PEBP1: variants seen among roughly 807,000 people sequenced by gnomAD.
The protein encoded by PEBP1 is phosphatidylethanolamine-binding protein 1.
Under a neutral mutation model 22.7 loss-of-function variants are expected in PEBP1, and 17 were observed. The observed-to-expected ratio is 0.75, with a 90% CI of 0.51 to 1.12. The LOEUF (loss-of-function observed/expected upper bound fraction) is 1.12, where lower values mean the gene tolerates loss of function less well. Ranked by LOEUF, PEBP1 falls within the 50% of genes most tolerant of loss-of-function variation. PEBP1 has a pLI of 0.00. For synonymous variants in PEBP1, 106 were observed against 104.3 expected (o/e 1.02, Z -0.10); for missense variants, 205 against 243.5 (o/e 0.84, Z 1.05).
rs2034142318 is a variant in PEBP1 at position 118,144,734 on chromosome 12, T to A, written c.495T>A (p.Ala165=). Residue 165 remains alanine (A), a synonymous_variant, in exon 4 of 4, where the codon GCT becomes GCA. Coordinates refer to ENST00000261313, the MANE Select transcript of PEBP1 (RefSeq NM_002567.4). ...AGTATGAGCTCAGGGCCCCGGTGGC[T>A]GGCACGTGTTACCAGGCCGAGTGGG... ...RKKYELRAPV[A]GTCYQAEWDD... is the part of the protein sequence containing the mutation. The A allele has an allele frequency of 6.2e-7, 1 of 1,614,044 alleles. No individual in the cohort carries two copies.
At chr12:118,137,835 C>T (rs2034079549) in intron 1 of PEBP1, among the ~76,000 whole-genome samples, 1 of 152,148 alleles carries the variant, frequency 6.6e-6, no homozygotes, top group African/African-American at 2.4e-5. Flanking sequence ...TTACAGATTC[C>T]CGCCACCATG....
In PEBP1 at chr12:118,144,653, C is replaced by T. The variant is rs201985285; in HGVS notation, c.414C>T (p.Leu138=). The T allele has an allele frequency of 1.0e-4, 164 of 1,614,116 alleles. 1 individual carries two copies. In the East Asian group the frequency reaches 3.2e-3, roughly 32 times the overall value. The change falls in exon 4 of 4, where the codon CTC becomes CTT. Residue 138 remains leucine (L), a synonymous_variant. Coordinates refer to ENST00000261313, the MANE Select transcript of PEBP1 (RefSeq NM_002567.4). ...CGCTAAAGTGTGACGAGCCCATCCT[C>T]AGCAACCGATCTGGAGACCACCGTG... ...DRPLKCDEPI[L]SNRSGDHRGK...
In PEBP1 at chr12:118,144,897, C is replaced by T. The variant is rs1435286157; in HGVS notation, c.*94C>T. 27 of 1,588,292 alleles carry T rather than the reference C, an allele frequency of 1.7e-5. No individual in the cohort carries two copies. Among genetic ancestry groups the T allele is most frequent in the Non-Finnish European group, 2.2e-5 (26 of 1,173,216 alleles). Reference sequence around the variant, plus strand: ...TATAATAGATTTCTCCTCTTCCTGCCCCCCTTGGCATGGGTGAGACCTGAC... The same window carrying T: ...TATAATAGATTTCTCCTCTTCCTGCTCCCCTTGGCATGGGTGAGACCTGAC... On this transcript the variant is annotated 3_prime_UTR_variant, in exon 4 of 4. Coordinates refer to ENST00000261313, the MANE Select transcript of PEBP1 (RefSeq NM_002567.4).
chr12:118,136,471 C>T lies in PEBP1; in HGVS notation c.135+127C>T, dbSNP rs2034060579. The T allele has an allele frequency of 2.5e-6, 3 of 1,179,122 alleles. No homozygotes were observed. The African/African-American group carries it at 4.8e-5, about 19-fold the overall frequency. The allele number at this position is 1,179,122 out of a possible 1,614,324, so 73.0% of individuals were successfully genotyped here. ...GTTCAGCCTGCGTGTGTCGAGGCCCCCCCAGGCCAGAGGTCCCGGGGTCCA... is the reference window on the plus strand; with the variant it reads ...GTTCAGCCTGCGTGTGTCGAGGCCCTCCCAGGCCAGAGGTCCCGGGGTCCA... On this transcript the variant is annotated intron_variant, in intron 1 of 3. Coordinates refer to ENST00000261313, the MANE Select transcript of PEBP1 (RefSeq NM_002567.4). The surrounding 1 kb of genome is among the most constrained non-coding windows in gnomAD (Gnocchi z 5.6).
chr12:118,137,025 A>G (rs2034068809), intron 1 of PEBP1, among the ~76,000 whole-genome samples: 1 of 152,186 alleles, frequency 6.6e-6, no homozygotes, highest in African/African-American at 2.4e-5. Context: ...ATTGTTTTGG[A>G]TGTTCACAGA....
chr12:118,144,012 T>C lies in PEBP1; in HGVS notation c.347-574T>C, dbSNP rs2034135317. ...AGAAAGCTGCTTAGTTAAAGTGAGGTTGGGTCACTTCGAAGTAGTCCTCCA... is the reference window on the plus strand; with the variant it reads ...AGAAAGCTGCTTAGTTAAAGTGAGGCTGGGTCACTTCGAAGTAGTCCTCCA... On this transcript the variant is annotated intron_variant, in intron 3 of 3. Transcript: ENST00000261313. 1.3e-5 allele frequency among the ~76,000 whole-genome samples: 2 copies of C among 152,048 alleles called. 1 individual carries two copies. Among genetic ancestry groups the C allele is most frequent in the African/African-American group, 4.8e-5 (2 of 41,390 alleles).
chr12:118,140,417 A>T (rs530841865), intron 3 of PEBP1, among the ~76,000 whole-genome samples: 1 of 152,330 alleles, frequency 6.6e-6, no homozygotes, highest in African/African-American at 2.4e-5. Context: ...TGCATAGTAG[A>T]TGGTAAAGGG....
Position 118,144,771 on chromosome 12 carries a change from C to T in PEBP1, c.532C>T (p.Pro178Ser), listed in dbSNP as rs1027485332. The change falls in exon 4 of 4, where the codon CCC becomes TCC. Residue 178 changes from proline to serine, a missense_variant. Physicochemically the swap from Pro to Ser is moderately conservative, Grantham distance 74. Transcript: ENST00000261313. Reference protein sequence around the residue: ...CYQAEWDDYVPKLYEQLSGK With the variant: ...CYQAEWDDYVSKLYEQLSGK ...CCAGGCCGAGTGGGATGACTATGTG[C>T]CCAAACTGTACGAGCAGCTGTCTGG... The T allele has an allele frequency of 5.0e-6, 8 of 1,614,102 alleles. No individual in the cohort carries two copies. Among genetic ancestry groups the T allele is most frequent in the Non-Finnish European group, 6.8e-6 (8 of 1,180,038 alleles).
chr12:118,141,254 T>C (rs2034111379), intron 3 of PEBP1, among the ~76,000 whole-genome samples: 1 of 152,070 alleles, frequency 6.6e-6, no homozygotes, highest in Admixed American at 6.5e-5. Context: ...GTAGCTGGGA[T>C]GACAGGCGCC....
Position 118,136,145 on chromosome 12 carries a change from C to A in PEBP1, c.-65C>A, listed in dbSNP as rs1253880714. The A allele has an allele frequency of 4.6e-6, 7 of 1,527,666 alleles. No homozygotes were observed. The highest frequency in any genetic ancestry group is 1.2e-5 in the South Asian group (1 of 83,518). The allele number at this position is 1,527,666 out of a possible 1,614,324, so 94.6% of individuals were successfully genotyped here. On this transcript the variant is annotated 5_prime_UTR_variant, in exon 1 of 4. Transcript: ENST00000261313. This position sits in a 1 kb window ranked among gnomAD's most constrained non-coding sequence, Gnocchi z 5.6. ...AGCCAGTGTGCTGAGCTCTCCGCGT[C>A]GCCTCTGTCGCCCGCGCCTGGCCTA...
intron 1 of PEBP1, among the ~76,000 whole-genome samples, chr12:118,137,103 G>A (rs1036507607): frequency 6.6e-6 from 1 of 152,146 alleles, no homozygotes; most frequent in Non-Finnish European, 1.5e-5. Flanking sequence ...CCTGCTCCCT[G>A]CCCGCCTCTC....
chr12:118,144,957 T>C lies in PEBP1; in HGVS notation c.*154T>C. On this transcript the variant is annotated 3_prime_UTR_variant, in exon 4 of 4. Coordinates refer to ENST00000261313, the MANE Select transcript of PEBP1 (RefSeq NM_002567.4). ...GGTAGTTGAGGGTGACTTTTCCTGC[T>C]GCCTGGCCTTTATAATTTTACTCAC... 1.3e-6 allele frequency: 2 copies of C among 1,535,192 alleles called. No homozygotes were observed. Among genetic ancestry groups the C allele is most frequent in the South Asian group, 1.2e-5 (1 of 83,686 alleles).
intron 1 of PEBP1, 117 bp from the exon 2 acceptor site, chr12:118,137,922 A>G (rs2034080585): frequency 2.9e-6 from 2 of 688,980 alleles, no homozygotes; most frequent in South Asian, 3.3e-5. Context: ...CCTGACCTCA[A>G]GTGATCCTCT....
In PEBP1 at chr12:118,136,935, G is replaced by GA. The variant is rs1195111844; in HGVS notation, c.135+594dup. On this transcript the variant is annotated intron_variant, in intron 1 of 3. Transcript: ENST00000261313. This position sits in a 1 kb window ranked among gnomAD's most constrained non-coding sequence, Gnocchi z 5.6. ...CACGGCTGGGGCTGCCGAAAGTGAA[G>GA]AAACTAGATTTGCAGACGCCACTGC... Among the ~76,000 whole-genome samples, 8 of 152,234 alleles carry GA rather than the reference G, an allele frequency of 5.3e-5. No homozygotes were observed. The highest frequency in any genetic ancestry group is 1.9e-4 in the African/African-American group (8 of 41,466).
At chr12:118,140,790 G>T (rs965670118) in intron 3 of PEBP1, among the ~76,000 whole-genome samples, 1 of 151,958 alleles carries the variant, frequency 6.6e-6, no homozygotes, top group East Asian at 1.9e-4. Context: ...TACCTGCCTC[G>T]GTCTCCCAAA....
chr12:118,143,433 G>A (rs75631377), intron 3 of PEBP1, among the ~76,000 whole-genome samples: 11,731 of 152,136 alleles, frequency 0.077, 506 homozygotes, highest in Middle Eastern at 0.14. Flanking sequence ...AGTAACACAG[G>A]GGAGTAAAGA....
chr12:118,136,166 G>C lies in PEBP1; in HGVS notation c.-44G>C, dbSNP rs1175421167. The stretch of plus-strand genomic sequence containing the variant: ...GCGTCGCCTCTGTCGCCCGCGCCTG[G>C]CCTACCGCGGCACTCCCGGCTGCAC... On this transcript the variant is annotated 5_prime_UTR_variant, in exon 1 of 4. Coordinates refer to ENST00000261313, the MANE Select transcript of PEBP1 (RefSeq NM_002567.4). The surrounding 1 kb of genome is among the most constrained non-coding windows in gnomAD (Gnocchi z 5.6). The C allele has an allele frequency of 6.5e-7, 1 of 1,537,430 alleles. No individual in the cohort carries two copies. Among genetic ancestry groups the C allele is most frequent in the South Asian group, 1.2e-5 (1 of 83,842 alleles).
Position 118,136,468 on chromosome 12 carries a change from C to A in PEBP1, c.135+124C>A. On this transcript the variant is annotated intron_variant, in intron 1 of 3. Transcript: ENST00000261313. The surrounding 1 kb of genome is among the most constrained non-coding windows in gnomAD (Gnocchi z 5.6). ...GAGGTTCAGCCTGCGTGTGTCGAGG[C>A]CCCCCCAGGCCAGAGGTCCCGGGGT... 8.6e-7 allele frequency: 1 copy of A among 1,158,180 alleles called. No homozygotes were observed. The highest frequency in any genetic ancestry group is 1.2e-6 in the Non-Finnish European group (1 of 853,640). 71.7% of individuals were successfully genotyped at this position (1,158,180 alleles called of 1,614,324 possible). A position where few individuals can be genotyped will look rare whatever the true frequency, so the allele number is the denominator to read the frequency against.
In PEBP1 at chr12:118,137,341, G is replaced by A. The variant is rs984806138; in HGVS notation, c.136-698G>A. 3.9e-5 allele frequency among the ~76,000 whole-genome samples: 6 copies of A among 152,044 alleles called. No individual in the cohort carries two copies. The South Asian group carries it at 6.2e-4, about 16-fold the overall frequency. On this transcript the variant is annotated intron_variant, in intron 1 of 3. Transcript: ENST00000261313. ...GGGATACTAGCCCCATGGTGTTGTT[G>A]GGACTGAAATAATATACAGCCTGGG... is the stretch of plus-strand genomic sequence containing the variant.
Sources: allele counts gnomAD v4.1 joint callset (sites outside exome capture counted in the v4.1 genomes callset), GRCh38; gene constraint gnomAD v4.1.1; non-coding constraint Gnocchi (gnomAD v3.1); transcripts MANE v1.5; gene names NCBI Gene and HGNC (gene_info 2026-07-23, HGNC 2026-07-21).